ABCA8: variants seen among roughly 807,000 people sequenced by gnomAD.
ABCA8 encodes ATP binding cassette subfamily A member 8.
In ABCA8, 177 loss-of-function variants were observed where a neutral mutation model predicts 192.3. The observed-to-expected ratio is 0.92, with a 90% CI of 0.81 to 1.04. The LOEUF is 1.04. Among genes scored for constraint, ABCA8 ranks in the 50% least tolerant of loss-of-function variants. The pLI, the probability that ABCA8 is intolerant of heterozygous loss-of-function variation, is 0.00. For synonymous variants in ABCA8, 642 were observed against 690.2 expected, an observed-to-expected ratio of 0.93 and a Z score of 1.09; for missense variants, 1,915 against 1,904.8, an observed-to-expected ratio of 1.01 and a Z score of -0.10.
Position 68,895,915 on chromosome 17 carries a change from C to T in ABCA8, c.2765-902G>A, listed in dbSNP as rs552693558. 1.5e-4 allele frequency among the ~76,000 whole-genome samples: 23 copies of T among 152,212 alleles called. No individual in the cohort carries two copies. The South Asian group carries it at 3.7e-3, about 25-fold the overall frequency. ...ACACAATCATCCTTGTCCCATCTCACGTGTAGGGCAGAGTTTCCACGACAG... is the reference window on the plus strand; with the variant it reads ...ACACAATCATCCTTGTCCCATCTCATGTGTAGGGCAGAGTTTCCACGACAG... On this transcript the variant is annotated intron_variant, in intron 21 of 39. Coordinates refer to ENST00000586539, the MANE Select transcript of ABCA8 (RefSeq NM_001288985.2).
chr17:68,909,572 A>G (rs941736372), intron 17 of ABCA8, among the ~76,000 whole-genome samples: 5 of 152,114 alleles, frequency 3.3e-5, no homozygotes, highest in African/African-American at 4.8e-5. Flanking sequence ...GCAGTCTCTT[A>G]TTTATTTTTC....
At chr17:68,886,635 T>TC (rs2066467980) in intron 26 of ABCA8, among the ~76,000 whole-genome samples, 1 of 152,226 alleles carries the variant, frequency 6.6e-6, no homozygotes, top group Non-Finnish European at 1.5e-5. Flanking sequence ...GAGAGCCCTT[T>TC]CAGGATTGAA....
intron 24 of ABCA8, among the ~76,000 whole-genome samples, chr17:68,888,792 A>T (rs1483516392): frequency 1.3e-5 from 2 of 152,196 alleles, no homozygotes; most frequent in African/African-American, 4.8e-5. Flanking sequence ...GTAGAGTCAG[A>T]TCTAGGAGTG....
At chr17:68,933,302 T>C (rs758938240) in intron 5 of ABCA8, 31 bp from the exon 6 acceptor site, 1 of 1,323,474 alleles carries the variant, frequency 7.6e-7, no homozygotes, top group East Asian at 2.3e-5. Flanking sequence ...TAACTATCAT[T>C]ACATCACTAT....
chr17:68,920,349 A>G (rs2067500343), intron 13 of ABCA8, among the ~76,000 whole-genome samples: 1 of 152,034 alleles, frequency 6.6e-6, no homozygotes, highest in South Asian at 2.1e-4. Context: ...ACAAACCCCC[A>G]TGACGTGTTT....
At chr17:68,952,016 T>A (rs2068580570) in intron 1 of ABCA8, among the ~76,000 whole-genome samples, 2 of 152,184 alleles carry the variant, frequency 1.3e-5, no homozygotes. Context: ...TTTCCTCTCC[T>A]TCTTCACTTC....
At chr17:68,906,238 A>T in intron 18 of ABCA8, 75 bp from the exon 19 acceptor site, 1 of 1,158,624 alleles carries the variant, frequency 8.6e-7, no homozygotes, top group Non-Finnish European at 1.2e-6. Context: ...CAAACTAATA[A>T]GCACAAATCT....
intron 37 of ABCA8, among the ~76,000 whole-genome samples, chr17:68,875,011 A>T (rs1225884862): frequency 1.3e-5 from 2 of 152,202 alleles, no homozygotes; most frequent in African/African-American, 4.8e-5. Context: ...AGCTATGTCT[A>T]CGGTGAAAAG....
chr17:68,902,841 A>C lies in ABCA8; in HGVS notation c.2636T>G (p.Val879Gly). Reference sequence around the variant, plus strand: ...ATATATTTTCACCATGGTATACTCCACAAGAAGAGGGCAAAATCCAGCCAT... The same window carrying C: ...ATATATTTTCACCATGGTATACTCCCCAAGAAGAGGGCAAAATCCAGCCAT... ...ILMAGFCPLL[V>G]EYTMVKIYQN... The change falls in exon 21 of 40, where the codon GTG becomes GGG. Residue 879 changes from valine to glycine, a missense_variant. Val to Gly is a moderately radical substitution (Grantham distance 109). Transcript: ENST00000586539. The C allele has an allele frequency of 6.2e-7, 1 of 1,613,380 alleles. No homozygotes were observed. The highest frequency in any genetic ancestry group is 2.2e-5 in the East Asian group (1 of 44,838).
intron 1 of ABCA8, among the ~76,000 whole-genome samples, chr17:68,951,291 T>G (rs923522419): frequency 2.0e-5 from 3 of 152,250 alleles, no homozygotes; most frequent in African/African-American, 7.2e-5. Flanking sequence ...TTTAGTGACT[T>G]TTTATTTTTG....
chr17:68,874,660 C>T (rs1293241749), intron 37 of ABCA8, among the ~76,000 whole-genome samples: 1 of 152,082 alleles, frequency 6.6e-6, no homozygotes, highest in Non-Finnish European at 1.5e-5. Context: ...ACTTATTTCT[C>T]CTTGTTATCA....
chr17:68,931,776 T>TC (rs1253865632), intron 7 of ABCA8: 2 of 143,448 alleles, frequency 1.4e-5, no homozygotes, highest in African/African-American at 2.6e-5. Context: ...TTTTTTTTTT[T>TC]TTTTTTTTTT....
intron 14 of ABCA8, among the ~76,000 whole-genome samples, chr17:68,918,980 C>G (rs949277294): frequency 8.0e-5 from 12 of 149,124 alleles, no homozygotes; most frequent in Non-Finnish European, 1.6e-4. Flanking sequence ...GCCAAACTTT[C>G]CGGGTTTGAA....
At chr17:68,934,690 C>A (rs920560121) in intron 5 of ABCA8, among the ~76,000 whole-genome samples, 4 of 152,114 alleles carry the variant, frequency 2.6e-5, no homozygotes, top group Non-Finnish European at 5.9e-5. Context: ...AATAAGATTT[C>A]TATGATGATG....
At chr17:68,903,181 T>C (rs1336025693) in intron 20 of ABCA8, 120 bp downstream of exon 20, 2 of 1,073,332 alleles carry the variant, frequency 1.9e-6, no homozygotes, top group East Asian at 4.9e-5. Flanking sequence ...ACTGTGATGC[T>C]TTCCCTTTCT....
intron 11 of ABCA8, among the ~76,000 whole-genome samples, chr17:68,924,367 G>T (rs1234814417): frequency 6.7e-6 from 1 of 149,904 alleles, no homozygotes; most frequent in Non-Finnish European, 1.5e-5. Flanking sequence ...AAGGGAGATA[G>T]ATGAGGTGGG....
intron 13 of ABCA8, chr17:68,919,930 G>T (rs1189843787): frequency 6.5e-6 from 1 of 152,844 alleles, no homozygotes; most frequent in African/African-American, 2.4e-5. Context: ...CTGTCACTTT[G>T]GTCCAGAATA....
intron 14 of ABCA8, 124 bp downstream of exon 14, chr17:68,919,177 T>C: frequency 2.2e-6 from 2 of 889,196 alleles, no homozygotes; most frequent in Non-Finnish European, 3.4e-6. Context: ...TTGTTTAAAT[T>C]GGATTTTCTT....
chr17:68,927,925 T>G lies in ABCA8; in HGVS notation c.1264A>C (p.Ile422Leu), dbSNP rs1277673631. ...YLALAIYFEK[I>L]LPNEYGHRRP... ...TCATATCATTACTCACTTGGCAAAA[T>G]TTTTTCAAAGTAAATCGCCAATGCC... The change falls in exon 10 of 40, where the codon ATT (isoleucine) becomes CTT (leucine). Residue 422 changes from isoleucine (I) to leucine (L), a missense_variant. By Grantham distance (5) the Ile-to-Leu change is conservative. Transcript: ENST00000586539. 7 of 1,597,194 alleles carry G rather than the reference T, an allele frequency of 4.4e-6. No individual in the cohort carries two copies. Among genetic ancestry groups the G allele is most frequent in the Non-Finnish European group, 6.0e-6 (7 of 1,174,482 alleles).
Sources: gnomAD v4.1 joint callset for allele counts (sites outside exome capture counted in the v4.1 genomes callset) on GRCh38, gnomAD v4.1.1 for gene constraint, MANE v1.5 for transcripts, NCBI Gene and HGNC (gene_info 2026-07-23, HGNC 2026-07-21) for gene names.